Variants in SHROOM4 observed in about 807,000 individuals in gnomAD.
SHROOM4 encodes the protein protein Shroom4.
A neutral mutation model predicts 80.3 loss-of-function variants in SHROOM4; 17 were observed. The ratio of observed to expected loss-of-function variants is 0.21; its 90% CI spans 0.14 to 0.32. SHROOM4 has a LOEUF of 0.32. Ranked by LOEUF, SHROOM4 falls within the 10% of genes least tolerant of loss-of-function variation. SHROOM4 has a pLI of 1.00. For synonymous variants in SHROOM4, 400 were observed against 437.5 expected (o/e 0.91, Z 1.07); for missense variants, 993 against 1,140.3 (o/e 0.87, Z 1.86).
At chrX:50,582,830 A>G (rs1357389728), downstream of SHROOM4, among the ~76,000 whole-genome samples, 2 of 111,176 alleles carry the variant, frequency 1.8e-5, no homozygotes, top group East Asian at 5.6e-4. Flanking sequence ...ACTGTCTCAA[A>G]ATTGATATAA....
At chrX:50,791,878 G>A (rs781850960) in intron 1 of SHROOM4, among the ~76,000 whole-genome samples, 22 of 110,918 alleles carry the variant, frequency 2.0e-4, no homozygotes, top group African/African-American at 6.6e-4. Context: ...GCACAGAAGA[G>A]ACAGCCCCAA....
At chrX:50,729,016 G>A (rs1934304432) in intron 1 of SHROOM4, among the ~76,000 whole-genome samples, 1 of 110,306 alleles carries the variant, frequency 9.1e-6, no homozygotes, top group African/African-American at 3.3e-5. Context: ...ATTGGGGGTG[G>A]GGGTGGGAGA....
At position 50,607,452 on chromosome X, in the gene SHROOM4, A is replaced by G; in HGVS notation, c.3690T>C (p.Ala1230=). ...RGHLGSQPEQ[A]QPPCYYGIGG... Reference sequence around the variant, plus strand: ...CAATGCCATAGTAGCAAGGGGGCTGAGCCTGCTCAGGTTGAGATCCCAAGT... The same window carrying G: ...CAATGCCATAGTAGCAAGGGGGCTGGGCCTGCTCAGGTTGAGATCCCAAGT... The change falls in exon 6 of 9, where the codon GCT becomes GCC. Residue 1230 remains alanine, a synonymous_variant. Coordinates refer to ENST00000376020, the MANE Select transcript of SHROOM4 (RefSeq NM_020717.5). 8.3e-7 allele frequency: 1 copy of G among 1,211,736 alleles called. No individual in the cohort carries two copies.
intron 2 of SHROOM4, among the ~76,000 whole-genome samples, chrX:50,668,155 C>A (rs1305696517): frequency 8.9e-6 from 1 of 112,168 alleles, no homozygotes; most frequent in Non-Finnish European, 1.9e-5. Context: ...TAACAAGTCT[C>A]CTACTCATGA....
intron 2 of SHROOM4, among the ~76,000 whole-genome samples, chrX:50,679,918 A>T (rs1433347526): frequency 4.5e-5 from 5 of 112,026 alleles, no homozygotes; most frequent in African/African-American, 1.6e-4. Flanking sequence ...AGAAAGACTT[A>T]CTACCTTCAC....
intron 1 of SHROOM4, among the ~76,000 whole-genome samples, chrX:50,747,346 T>A (rs140168211): frequency 8.9e-6 from 1 of 111,806 alleles, no homozygotes; most frequent in African/African-American, 3.2e-5. Context: ...AAAGTGCTAA[T>A]TCACATAAAT....
intron 1 of SHROOM4, among the ~76,000 whole-genome samples, chrX:50,795,146 G>GATATAT (rs781879598): frequency 6.5e-4 from 2 of 3,064 alleles, no homozygotes; most frequent in Non-Finnish European, 9.3e-4. Context: ...ATATATATAT[G>GATATAT]ATATATATAT....
At chrX:50,611,138 T>TTTTTC (rs1569546514) in intron 5 of SHROOM4, among the ~76,000 whole-genome samples, 35 of 90,364 alleles carry the variant, frequency 3.9e-4, no homozygotes, top group African/African-American at 1.6e-3. Flanking sequence ...CATATTTTCT[T>TTTTTC]TTTTTCTTTT....
rs111851395 is a variant in SHROOM4, at chrX:50,794,603, C to T, written c.117+19299G>A. ...AAAACTGTCCCTCCAACTACCCAAC[C>T]ACCCTCCATCATTCTCTCTCTGACA... On this transcript the variant is annotated intron_variant, in intron 1 of 8. Coordinates refer to ENST00000376020, the MANE Select transcript of SHROOM4 (RefSeq NM_020717.5). Among the ~76,000 whole-genome samples, 660 of 101,955 alleles carry T rather than the reference C, an allele frequency of 6.5e-3. 9 individuals are homozygous for T. The highest frequency in any genetic ancestry group is 0.022 in the African/African-American group (625 of 28,047). 88.5% of individuals were successfully genotyped at this position (101,955 alleles called of 115,157 possible).
intron 2 of SHROOM4, among the ~76,000 whole-genome samples, chrX:50,686,084 G>A (rs1360291245): frequency 9.0e-6 from 1 of 110,969 alleles, no homozygotes; most frequent in African/African-American, 3.3e-5. Context: ...CTGGAGTGCA[G>A]TGGCGTGAGA....
At chrX:50,702,963 T>C (rs1933559902) in intron 1 of SHROOM4, among the ~76,000 whole-genome samples, 1 of 111,475 alleles carries the variant, frequency 9.0e-6, no homozygotes, top group East Asian at 2.8e-4. Context: ...CTTATATTTC[T>C]GAGGTAGGCA....
chrX:50,786,858 A>C (rs1935750496), intron 1 of SHROOM4, among the ~76,000 whole-genome samples: 1 of 111,814 alleles, frequency 8.9e-6, no homozygotes, highest in Admixed American at 9.5e-5. Context: ...AAGATGTTCA[A>C]GGAGGTCAGA....
chrX:50,651,852 G>A (rs1192265523), intron 2 of SHROOM4, among the ~76,000 whole-genome samples: 1 of 110,213 alleles, frequency 9.1e-6, no homozygotes, highest in Admixed American at 9.7e-5. Flanking sequence ...CTGTTCCTGT[G>A]TTAGTTTACC....
At chrX:50,651,372 G>GTGGA (rs1557258739) in intron 2 of SHROOM4, among the ~76,000 whole-genome samples, 8 of 111,749 alleles carry the variant, frequency 7.2e-5, no homozygotes, top group Non-Finnish European at 1.5e-4. Flanking sequence ...AGAAACTCAG[G>GTGGA]CTTAGGGAGG....
At chrX:50,644,583 T>G (rs190231183) in intron 2 of SHROOM4, among the ~76,000 whole-genome samples, 2 of 112,297 alleles carry the variant, frequency 1.8e-5, no homozygotes, top group East Asian at 5.6e-4. Flanking sequence ...ACACTCCCAA[T>G]TCCCTACTCC....
chrX:50,738,869 C>A lies in SHROOM4; in HGVS notation c.118-42932G>T, dbSNP rs536314996. 2.1e-4 allele frequency among the ~76,000 whole-genome samples: 24 copies of A among 111,669 alleles called. No individual in the cohort carries two copies. In the South Asian group the frequency reaches 9.1e-3, roughly 42 times the overall value. On this transcript the variant is annotated intron_variant, in intron 1 of 8. Transcript: ENST00000376020. ...TGGAACCAAAAAAGAGCCCACATTG[C>A]CAAGTCAATCCTAAGCCAAAAGAAC...
At position 50,644,450 on chromosome X, in the gene SHROOM4, A is replaced by T. The variant is rs782778119; in HGVS notation, c.270-6142T>A. Among the ~76,000 whole-genome samples, 4 of 112,132 alleles carry T rather than the reference A, an allele frequency of 3.6e-5. No homozygotes were observed. The South Asian group carries it at 1.5e-3, about 42-fold the overall frequency. ...GAGGTTCCAAATGATGCCCTAAGTG[A>T]TTAGCGCAGTAGCCAGAATCCAGAG... On this transcript the variant is annotated intron_variant, in intron 2 of 8. Transcript: ENST00000376020.
At position 50,634,688 on chromosome X, in the gene SHROOM4, G is replaced by T. The variant is rs781793240; in HGVS notation, c.1385C>A (p.Pro462His). ...CTGGTCATGGGTTCCTCCTGTAGGGGGGCATGGACTTTTCTTCCCTTTGTG... is the reference window on the plus strand; with the variant it reads ...CTGGTCATGGGTTCCTCCTGTAGGGTGGCATGGACTTTTCTTCCCTTTGTG... ...SSHKGKKSPC[P>H]PTGGTHDQSS... Residue 462 changes from proline to histidine, a missense_variant, in exon 4 of 9, where the codon CCC becomes CAC. Coordinates refer to ENST00000376020, the MANE Select transcript of SHROOM4 (RefSeq NM_020717.5). 1 of 1,209,892 alleles carries T rather than the reference G, an allele frequency of 8.3e-7. No individual in the cohort carries two copies. Among genetic ancestry groups the T allele is most frequent in the African/African-American group, 1.8e-5 (1 of 57,079 alleles).
At chrX:50,697,282 G>A (rs1450475300) in intron 1 of SHROOM4, among the ~76,000 whole-genome samples, 5 of 111,368 alleles carry the variant, frequency 4.5e-5, no homozygotes, top group Non-Finnish European at 9.4e-5. Flanking sequence ...CTTAGGGGAT[G>A]GCAGATTCTA....
Sources: gnomAD v4.1 joint callset for allele counts (sites outside exome capture counted in the v4.1 genomes callset) on GRCh38, gnomAD v4.1.1 for gene constraint, MANE v1.5 for transcripts, NCBI Gene and HGNC (gene_info 2026-07-23, HGNC 2026-07-21) for gene names.